ANXA2: variants seen among roughly 807,000 people sequenced by gnomAD.
ANXA2 encodes the protein annexin A2.
ANXA2 carries 28 observed loss-of-function variants against 47.3 expected under a neutral mutation model. The ratio of observed to expected loss-of-function variants is 0.59; its 90% CI spans 0.44 to 0.81. The LOEUF (loss-of-function observed/expected upper bound fraction) is 0.81, where lower values mean the gene tolerates loss of function less well. ANXA2 is among the 40% of genes least tolerant of loss of function. The probability of loss-of-function intolerance (pLI) is 0.00; values close to 1 mark genes in which losing one functional copy is unlikely to be tolerated. For synonymous variants in ANXA2, 172 were observed against 155.5 expected (o/e 1.11, Z -0.79); for missense variants, 384 against 414.3 (o/e 0.93, Z 0.64).
chr15:60,395,476 A>G (rs958742509), intron 1 of ANXA2, among the ~76,000 whole-genome samples: 2 of 152,194 alleles, frequency 1.3e-5, no homozygotes, highest in African/African-American at 4.8e-5. Flanking sequence ...GCGAAGGGTG[A>G]GAACAAAGGC....
chr15:60,369,942 A>G (rs867170262), intron 3 of ANXA2, among the ~76,000 whole-genome samples: 2 of 152,212 alleles, frequency 1.3e-5, no homozygotes, highest in South Asian at 2.1e-4. Flanking sequence ...GCCGCAATGC[A>G]GTCCCACACT....
At chr15:60,387,928 A>G (rs952613776) in intron 1 of ANXA2, among the ~76,000 whole-genome samples, 1 of 152,090 alleles carries the variant, frequency 6.6e-6, no homozygotes, top group Non-Finnish European at 1.5e-5. Flanking sequence ...GGTGGCTCAC[A>G]CCTGTAATCC....
intron 3 of ANXA2, among the ~76,000 whole-genome samples, chr15:60,366,234 AG>A (rs1378512074): frequency 2.3e-4 from 34 of 150,980 alleles, no homozygotes; most frequent in Admixed American, 2.0e-3. Context: ...GGCCTCCCAA[AG>A]AGCCCAGATT....
intron 1 of ANXA2, among the ~76,000 whole-genome samples, chr15:60,395,440 C>T (rs1334917152): frequency 2.0e-5 from 3 of 152,148 alleles, no homozygotes; most frequent in African/African-American, 7.2e-5. Flanking sequence ...TGAAAAATGT[C>T]TCCGCAGGCT....
chr15:60,366,710 G>A (rs1279799622), intron 3 of ANXA2, among the ~76,000 whole-genome samples: 10 of 134,328 alleles, frequency 7.4e-5, no homozygotes, highest in East Asian at 2.5e-4. Flanking sequence ...CAGCCGCCCC[G>A]TCCGGGAGGT....
In ANXA2 at chr15:60,360,973, A is replaced by G; in HGVS notation, c.325T>C (p.Tyr109His). ...GAAGCTTTTAGCTCAGAAGCGTCAT[A>G]CTGAGCAGGTGTCTTCAATAGGCCC... is the stretch of plus-strand genomic sequence containing the variant. Reference protein sequence around the residue: ...ILGLLKTPAQYDASELKASMK... With the variant: ...ILGLLKTPAQHDASELKASMK... The change falls in exon 5 of 13, where the codon TAT becomes CAT. Residue 109 changes from tyrosine to histidine, a missense_variant. Tyr to His is a moderately conservative substitution (Grantham distance 83). Coordinates refer to ENST00000451270, the MANE Select transcript of ANXA2 (RefSeq NM_004039.3). 6.2e-7 allele frequency: 1 copy of G among 1,612,446 alleles called. No individual in the cohort carries two copies. Among genetic ancestry groups the G allele is most frequent in the Non-Finnish European group, 8.5e-7 (1 of 1,178,442 alleles).
At chr15:60,368,045 G>T (rs1009964546) in intron 3 of ANXA2, among the ~76,000 whole-genome samples, 3 of 132,452 alleles carry the variant, frequency 2.3e-5, no homozygotes, top group Non-Finnish European at 4.8e-5. Context: ...CATGTGCTGC[G>T]TCCACTCAGG....
chr15:60,357,125 C>G (rs757459421), intron 6 of ANXA2, 21 bp downstream of exon 6: 1 of 1,610,588 alleles, frequency 6.2e-7, no homozygotes. Context: ...GAGGATGAAT[C>G]ACAGAAATCA....
intron 3 of ANXA2, among the ~76,000 whole-genome samples, chr15:60,375,879 C>T (rs2062769488): frequency 6.6e-6 from 1 of 152,140 alleles, no homozygotes; most frequent in African/African-American, 2.4e-5. Flanking sequence ...TCTGCCTTCT[C>T]AGAGAAAGCT....
intron 6 of ANXA2, among the ~76,000 whole-genome samples, chr15:60,356,401 G>A (rs543814148): frequency 4.0e-5 from 6 of 151,874 alleles, no homozygotes; most frequent in East Asian, 1.9e-4. Flanking sequence ...AATGCACAGC[G>A]GCAAAAACTA....
In ANXA2 at chr15:60,359,589, G is replaced by C. The variant is rs2062481697; in HGVS notation, c.357+1352C>G. Among the ~76,000 whole-genome samples, 3 of 152,350 alleles carry C rather than the reference G, an allele frequency of 2.0e-5. No homozygotes were observed. The South Asian group carries it at 6.2e-4, about 32-fold the overall frequency. On this transcript the variant is annotated intron_variant, in intron 5 of 12. Transcript: ENST00000451270. ...TAAGCTGAAGAACTAAAGGAAGAAA[G>C]AGACTTAACAACAAATCTTACAGCA...
rs781020526 is a variant in ANXA2, at chr15:60,352,257, G to A, written c.682+126C>T. 1.7e-6 allele frequency: 1 copy of A among 572,776 alleles called. No individual in the cohort carries two copies. The allele number at this position is 572,776 out of a possible 1,614,324, so 35.5% of individuals were successfully genotyped here. Reference sequence around the variant, plus strand: ...GAGAGAAAGGTGAGGGAAAATGGGTGAGCCTATGAGAGTGCCAAGCGGAGA... The same window carrying A: ...GAGAGAAAGGTGAGGGAAAATGGGTAAGCCTATGAGAGTGCCAAGCGGAGA... On this transcript the variant is annotated intron_variant, in intron 9 of 12. Transcript: ENST00000451270. This position sits in a 1 kb window ranked among gnomAD's most constrained non-coding sequence, Gnocchi z 4.2.
chr15:60,353,551 T>G (rs2062379979), intron 8 of ANXA2, among the ~76,000 whole-genome samples: 2 of 152,228 alleles, frequency 1.3e-5, no homozygotes, highest in African/African-American at 4.8e-5. Flanking sequence ...AGAGAATGTC[T>G]TCTAATAAAC....
intron 3 of ANXA2, among the ~76,000 whole-genome samples, chr15:60,377,253 A>G (rs1323270996): frequency 6.6e-6 from 1 of 152,228 alleles, no homozygotes; most frequent in Non-Finnish European, 1.5e-5. Context: ...AGTATCTAAT[A>G]ATATCAAGGA....
chr15:60,374,148 C>T (rs571981431), intron 3 of ANXA2, among the ~76,000 whole-genome samples: 1 of 152,344 alleles, frequency 6.6e-6, no homozygotes, highest in South Asian at 2.1e-4. Context: ...TTTGATCTCA[C>T]TTCAGCTGAG....
At chr15:60,390,162 G>GAA in intron 1 of ANXA2, 206 of 509,796 alleles carry the variant, frequency 4.0e-4, no homozygotes, top group Non-Finnish European at 4.8e-4. Context: ...CCATTTTGCA[G>GAA]AAAAAAAAAA....
chr15:60,356,186 CAG>C (rs2062427113), intron 6 of ANXA2, among the ~76,000 whole-genome samples, 188 bp from the exon 7 acceptor site: 1 of 151,900 alleles, frequency 6.6e-6, no homozygotes, highest in Non-Finnish European at 1.5e-5. Flanking sequence ...AAATCAGAGC[CAG>C]AGTTATTATC....
chr15:60,377,483 G>T (rs549058289), intron 3 of ANXA2, among the ~76,000 whole-genome samples: 3 of 152,100 alleles, frequency 2.0e-5, no homozygotes, highest in Non-Finnish European at 2.9e-5. Context: ...TACTGGTTCG[G>T]TTCCAGACCA....
intron 2 of ANXA2, chr15:60,382,656 A>T (rs1223325201): frequency 3.3e-5 from 13 of 391,000 alleles, no homozygotes. Flanking sequence ...AGTTTAGAAT[A>T]TGCTGTCTCA....
Sources: allele counts gnomAD v4.1 joint callset (sites outside exome capture counted in the v4.1 genomes callset), GRCh38; gene constraint gnomAD v4.1.1; non-coding constraint Gnocchi (gnomAD v3.1); transcripts MANE v1.5; gene names NCBI Gene and HGNC (gene_info 2026-07-23, HGNC 2026-07-21).